The following SPMIP1 variants were observed in gnomAD, a reference collection of about 807,000 sequenced individuals.
SPMIP1 encodes the protein sperm microtubule inner protein 1, also known as protein SPMIP1.
the SPMIP1 span, chr7:128,868,763 CCT>C: frequency 1.6e-5 from 24 of 1,534,556 alleles, no homozygotes; most frequent in South Asian, 2.4e-4. Flanking sequence ...ATCCCCGAGA[CCT>C]GGCCCTCTGA....
the SPMIP1 span, chr7:128,866,727 C>G: frequency 2.0e-6 from 3 of 1,536,064 alleles, no homozygotes; most frequent in Non-Finnish European, 2.6e-6. Flanking sequence ...TCTCCCACGA[C>G]TTCCAGGGGC....
At chr7:128,868,739 CT>C in the SPMIP1 span, 1 of 1,535,808 alleles carries the variant, frequency 6.5e-7, no homozygotes, top group Non-Finnish European at 8.7e-7. Flanking sequence ...AGAACGGGGC[CT>C]TCGCACTGCT....
At chr7:128,868,695 T>C in the SPMIP1 span, 1 of 1,535,732 alleles carries the variant, frequency 6.5e-7, no homozygotes, top group East Asian at 2.4e-5. Context: ...ACTGGTCTCC[T>C]GCAAGATGTG....
the SPMIP1 span, chr7:128,871,453 C>G: frequency 6.6e-6 from 1 of 152,168 alleles, no homozygotes; most frequent in Non-Finnish European, 1.5e-5. Flanking sequence ...TTGTTTCTGA[C>G]AGCAAAATCA....
chr7:128,868,786 G>A, the SPMIP1 span: 4 of 1,525,286 alleles, frequency 2.6e-6, no homozygotes, highest in African/African-American at 4.1e-5. Context: ...CCGTGGGCCA[G>A]GTGTGGGCTT....
the SPMIP1 span, chr7:128,868,977 C>G: frequency 1.9e-6 from 1 of 514,312 alleles, no homozygotes; most frequent in Non-Finnish European, 3.5e-6. Context: ...TTTGAGGACT[C>G]AGCAATGACC....
At chr7:128,870,213 T>A in the SPMIP1 span, 2 of 152,450 alleles carry the variant, frequency 1.3e-5, no homozygotes, top group Admixed American at 6.5e-5. Context: ...CAGGAGTCCC[T>A]CGGATGGCTA....
chr7:128,869,113 G>C, the SPMIP1 span: 1 of 390,688 alleles, frequency 2.6e-6, no homozygotes, highest in Non-Finnish European at 4.5e-6. Flanking sequence ...TCGGAGGCCA[G>C]GGAAAGGGGC....
At chr7:128,868,754 TC>T in the SPMIP1 span, 2 of 1,535,236 alleles carry the variant, frequency 1.3e-6, no homozygotes, top group South Asian at 1.2e-5. Context: ...CACTGCTTGA[TC>T]CCCGAGACCT....
At chr7:128,869,756 G>C in the SPMIP1 span, 1 of 152,202 alleles carries the variant, frequency 6.6e-6, no homozygotes, top group Non-Finnish European at 1.5e-5. Context: ...GGTGCTGAGG[G>C]GCGCCGGCCA....
At chr7:128,869,092 G>A in the SPMIP1 span, 2 of 397,272 alleles carry the variant, frequency 5.0e-6, no homozygotes, top group Admixed American at 4.4e-5. Context: ...GGGAGAGAGC[G>A]GCTTGTCATT....
At chr7:128,866,706 G>C in the SPMIP1 span, 1 of 1,535,772 alleles carries the variant, frequency 6.5e-7, no homozygotes, top group East Asian at 2.4e-5. Flanking sequence ...GAGCCCTGCT[G>C]TATGAAGGCA....
chr7:128,866,864 CAG>C, the SPMIP1 span: 9 of 1,509,768 alleles, frequency 6.0e-6, no homozygotes, highest in Admixed American at 2.0e-5. Flanking sequence ...ACCTCAAAAA[CAG>C]AGCACTAGCC....
At chr7:128,868,824 T>G in the SPMIP1 span, 4 of 1,312,534 alleles carry the variant, frequency 3.0e-6, no homozygotes, top group Non-Finnish European at 4.2e-6. Context: ...ATAACAGGCC[T>G]CCTGGTGGGG....
At chr7:128,866,729 T>G in the SPMIP1 span, 1 of 1,535,986 alleles carries the variant, frequency 6.5e-7, no homozygotes. Context: ...TCCCACGACT[T>G]CCAGGGGCGG....
At chr7:128,869,660 T>C in the SPMIP1 span, 15,453 of 152,138 alleles carry the variant, frequency 0.1, 1,432 homozygotes, top group East Asian at 0.32. Context: ...CCGGCGGCGC[T>C]GCCGCCTGGC....
chr7:128,868,984 G>C, the SPMIP1 span: 2 of 500,890 alleles, frequency 4.0e-6, no homozygotes, highest in African/African-American at 3.8e-5. Context: ...ACTCAGCAAT[G>C]ACCAGAGGGT....
the SPMIP1 span, chr7:128,866,758 C>T: frequency 9.3e-5 from 143 of 1,536,002 alleles, 1 homozygote; most frequent in Non-Finnish European, 1.2e-4. Context: ...CCTCAACACT[C>T]GAAAACTGGA....
chr7:128,867,026 G>A, the SPMIP1 span, among the ~76,000 whole-genome samples: 2 of 152,224 alleles, frequency 1.3e-5, no homozygotes, highest in Non-Finnish European at 2.9e-5. Context: ...TGGATTGTCA[G>A]GAAAGGCCTT....
Sources: gnomAD v4.1 joint callset for allele counts (sites outside exome capture counted in the v4.1 genomes callset) on GRCh38, gnomAD v4.1.1 for gene constraint, MANE v1.5 for transcripts, NCBI Gene and HGNC (gene_info 2026-07-23, HGNC 2026-07-21) for gene names.